The following OSBPL9 variants were observed in gnomAD, a reference collection of about 807,000 sequenced individuals.
The protein encoded by OSBPL9 is oxysterol-binding protein-related protein 9.
In OSBPL9, 40 loss-of-function variants were observed where a neutral mutation model predicts 106.6. The ratio of observed to expected loss-of-function variants is 0.38; its 90% CI spans 0.29 to 0.49. The LOEUF is 0.49. Among genes scored for constraint, OSBPL9 ranks in the 20% least tolerant of loss-of-function variants. The pLI, the probability that OSBPL9 is intolerant of heterozygous loss-of-function variation, is 0.97. For missense variants in OSBPL9, 609 were observed against 887.2 expected, an observed-to-expected ratio of 0.69 and a Z score of 3.98; for synonymous variants, 269 against 295.4, an observed-to-expected ratio of 0.91 and a Z score of 0.92.
chr1:51,527,041 G>A, the OSBPL9 span, among the ~76,000 whole-genome samples: 111 of 152,192 alleles, frequency 7.3e-4, 1 homozygote, highest in South Asian at 0.013. Flanking sequence ...ATCGCGCCTG[G>A]CCTATTTACC....
chr1:51,787,501 G>GCC lies in OSBPL9; in HGVS notation c.2136+16_2136+17dup. 1 of 1,613,782 alleles carries GCC rather than the reference G, an allele frequency of 6.2e-7. No homozygotes were observed. Among genetic ancestry groups the GCC allele is most frequent in the South Asian group, 1.1e-5 (1 of 91,060 alleles). ...GTGGGAGACAAGGGTAAGCTTGCCT[G>GCC]CCCCACCCTCCTAAGTGCTGTTCCT... On this transcript the variant is annotated intron_variant, in intron 23 of 23. Transcript: ENST00000428468.
At position 51,784,041 on chromosome 1, in the gene OSBPL9, T is replaced by C. The variant is rs367662013; in HGVS notation, c.1624+16T>C. 1.3e-5 allele frequency: 21 copies of C among 1,574,630 alleles called. No homozygotes were observed. In the East Asian group the frequency reaches 1.6e-4, roughly 12 times the overall value. On this transcript the variant is annotated intron_variant, in intron 18 of 23. Transcript: ENST00000428468. ...ATAGGGCAGGGTAAGTGTGTTGGCA[T>C]TGGGTGGACTACAATGTTATAGGAG...
chr1:51,662,716 C>G (rs1570896868), intron 2 of OSBPL9, among the ~76,000 whole-genome samples: 1 of 149,098 alleles, frequency 6.7e-6, no homozygotes, highest in South Asian at 2.1e-4. Context: ...TAAGCAGATA[C>G]AAAGTCATTA....
chr1:51,571,543 T>C, the OSBPL9 span, among the ~76,000 whole-genome samples: 3 of 152,126 alleles, frequency 2.0e-5, no homozygotes, highest in African/African-American at 7.2e-5. Context: ...GGTACATGCC[T>C]GTAGTCCCAG....
At chr1:51,636,229 T>C (rs577267244) in intron 1 of OSBPL9, among the ~76,000 whole-genome samples, 1 of 143,926 alleles carries the variant, frequency 6.9e-6, no homozygotes, top group Non-Finnish European at 1.5e-5. Context: ...GGCATGATCA[T>C]AGTTCACTGT....
At chr1:51,574,314 T>C (rs2148596441), upstream of OSBPL9, among the ~76,000 whole-genome samples, 2 of 152,290 alleles carry the variant, frequency 1.3e-5, no homozygotes, top group Admixed American at 1.3e-4. Context: ...ACCATGGGAA[T>C]GTATGGTTGA....
chr1:51,712,263 G>C (rs938535479), intron 3 of OSBPL9, among the ~76,000 whole-genome samples: 1 of 152,198 alleles, frequency 6.6e-6, no homozygotes, highest in African/African-American at 2.4e-5. Context: ...CCAGTCAGGC[G>C]TGGCGGCGCG....
At chr1:51,596,722 G>A (rs534305192) in intron 1 of OSBPL9, among the ~76,000 whole-genome samples, 1 of 152,274 alleles carries the variant, frequency 6.6e-6, no homozygotes, top group East Asian at 1.9e-4. Context: ...GGAGGTTGCA[G>A]TGAGCTGAGA....
chr1:51,767,936 CTTTTTTTTT>C (rs869092922), intron 12 of OSBPL9, among the ~76,000 whole-genome samples: 2 of 65,014 alleles, frequency 3.1e-5, no homozygotes, highest in African/African-American at 6.0e-5. Context: ...TAAAGACCGT[CTTTTTTTTT>C]TTTTTTTTTT....
At chr1:51,673,165 C>A (rs1051308663) in intron 3 of OSBPL9, among the ~76,000 whole-genome samples, 8 of 152,138 alleles carry the variant, frequency 5.3e-5, no homozygotes, top group African/African-American at 1.9e-4. Flanking sequence ...GAATGTGGTA[C>A]TTTGGAAGCC....
At chr1:51,670,322 A>G (rs943242261) in intron 3 of OSBPL9, among the ~76,000 whole-genome samples, 1 of 152,220 alleles carries the variant, frequency 6.6e-6, no homozygotes, top group African/African-American at 2.4e-5. Flanking sequence ...AAACTTAGAA[A>G]TGAAAAGATT....
intron 4 of OSBPL9, among the ~76,000 whole-genome samples, chr1:51,724,450 A>AT (rs1662737939): frequency 1.3e-5 from 2 of 150,508 alleles, no homozygotes; most frequent in African/African-American, 2.5e-5. Context: ...TGCCCAGCTA[A>AT]TTTTTTGCAT....
At chr1:51,546,995 A>C in the OSBPL9 span, among the ~76,000 whole-genome samples, 1 of 152,222 alleles carries the variant, frequency 6.6e-6, no homozygotes, top group Non-Finnish European at 1.5e-5. Flanking sequence ...TACAGAAATT[A>C]GAATGCTTGA....
chr1:51,781,179 G>C lies in OSBPL9; in HGVS notation c.1272G>C (p.Lys424Asn), dbSNP rs1676300507. The change falls in exon 16 of 24, where the codon AAG (lysine) becomes AAC (asparagine). Residue 424 changes from lysine to asparagine, a missense_variant. Physicochemically the swap from Lys to Asn is moderately conservative, Grantham distance 94. This residue lies in a region of OSBPL9 where 356 missense variants were observed against 505.8 expected (regional missense o/e 0.70). Transcript: ENST00000428468. ...PDLFVSISDQ[K>N]DPKDRMVQVV... Reference sequence around the variant, plus strand: ...TCCCTTGCAGCATTAGTGACCAGAAGGATCCCAAGGATCGAATGGTTCAGG... The same window carrying C: ...TCCCTTGCAGCATTAGTGACCAGAACGATCCCAAGGATCGAATGGTTCAGG... 4 of 1,614,002 alleles carry C rather than the reference G, an allele frequency of 2.5e-6. No homozygotes were observed. The South Asian group carries it at 4.4e-5, about 18-fold the overall frequency.
At chr1:51,768,028 G>A (rs1458235052) in intron 12 of OSBPL9, among the ~76,000 whole-genome samples, 3 of 123,814 alleles carry the variant, frequency 2.4e-5, no homozygotes, top group Admixed American at 1.1e-4. Context: ...TGCAAGCTCC[G>A]CCTCCCGGGT....
chr1:51,543,331 C>G, the OSBPL9 span, among the ~76,000 whole-genome samples: 1 of 152,224 alleles, frequency 6.6e-6, no homozygotes, highest in African/African-American at 2.4e-5. Flanking sequence ...AATCCTACCA[C>G]AACTCTAAGA....
chr1:51,545,605 T>C, the OSBPL9 span, among the ~76,000 whole-genome samples: 1 of 151,938 alleles, frequency 6.6e-6, no homozygotes, highest in South Asian at 2.1e-4. Flanking sequence ...AGACCACATC[T>C]CTATAAAAAA....
chr1:51,784,148 C>A, intron 18 of OSBPL9, 116 bp from the exon 19 acceptor site: 1 of 1,389,062 alleles, frequency 7.2e-7, no homozygotes, highest in Non-Finnish European at 1.0e-6. Context: ...GGGTGGGGAA[C>A]TAGATAGGTT....
chr1:51,527,232 T>C, the OSBPL9 span, among the ~76,000 whole-genome samples: 1 of 151,892 alleles, frequency 6.6e-6, no homozygotes, highest in Non-Finnish European at 1.5e-5. Flanking sequence ...ACAGAATGAG[T>C]AAAAGAATTA....
Sources: gnomAD v4.1 joint callset for allele counts (sites outside exome capture counted in the v4.1 genomes callset) on GRCh38, gnomAD v4.1.1 for gene constraint, gnomAD v4.1.1 regional missense constraint, MANE v1.5 for transcripts, NCBI Gene and HGNC (gene_info 2026-07-23, HGNC 2026-07-21) for gene names.